ZNF69: variants seen among roughly 807,000 people sequenced by gnomAD.
ZNF69 encodes the protein zinc finger protein 69, also known as ZNF3.
Under a neutral mutation model 50.9 loss-of-function variants are expected in ZNF69, and 47 were observed. The ratio of observed to expected loss-of-function variants is 0.92; its 90% CI spans 0.73 to 1.18. The LOEUF (loss-of-function observed/expected upper bound fraction) is 1.18, where lower values mean the gene tolerates loss of function less well. ZNF69 is among the 50% of genes most tolerant of loss of function. ZNF69 has a pLI of 0.00. For missense variants in ZNF69, 717 were observed against 675.1 expected (o/e 1.06, Z -0.69); for synonymous variants, 216 against 223.1 (o/e 0.97, Z 0.29).
chr19:11,956,791 C>G, the ZNF69 span: 1 of 374,302 alleles, frequency 2.7e-6, no homozygotes, highest in Non-Finnish European at 4.7e-6. Context: ...GGGGCGGAGG[C>G]TGCAGTGAGC....
chr19:11,979,897 T>C, the ZNF69 span: 1 of 1,412,290 alleles, frequency 7.1e-7, no homozygotes, highest in African/African-American at 1.4e-5. Context: ...AAAGACCTTA[T>C]AAATGTAAGA....
chr19:11,921,814 A>G, the ZNF69 span, among the ~76,000 whole-genome samples: 4 of 152,212 alleles, frequency 2.6e-5, no homozygotes, highest in Non-Finnish European at 4.4e-5. Context: ...TGAAATGGAA[A>G]TATTTCAAAG....
the ZNF69 span, among the ~76,000 whole-genome samples, chr19:11,939,444 G>C: frequency 6.6e-6 from 1 of 152,146 alleles, no homozygotes; most frequent in East Asian, 1.9e-4. Flanking sequence ...TTCTACATAT[G>C]GCTAGCCAGT....
At chr19:11,925,745 T>A in the ZNF69 span, among the ~76,000 whole-genome samples, 1 of 152,134 alleles carries the variant, frequency 6.6e-6, no homozygotes, top group South Asian at 2.1e-4. Flanking sequence ...AAACACCCCG[T>A]CCTGGGTTGT....
At chr19:11,919,350 ACTCTTG>A in the ZNF69 span, among the ~76,000 whole-genome samples, 1 of 150,782 alleles carries the variant, frequency 6.6e-6, no homozygotes, top group Non-Finnish European at 1.5e-5. Context: ...CTCCTTTGTG[ACTCTTG>A]CTCCCCATCT....
the ZNF69 span, chr19:11,947,209 T>G: frequency 6.2e-7 from 1 of 1,613,850 alleles, no homozygotes; most frequent in African/African-American, 1.3e-5. Flanking sequence ...GATGTGGCTG[T>G]GAACTTCACC....
At chr19:11,978,973 C>G in the ZNF69 span, 1 of 1,614,122 alleles carries the variant, frequency 6.2e-7, no homozygotes, top group Non-Finnish European at 8.5e-7. Context: ...AAAGCATTCA[C>G]GTATCCCAGT....
the ZNF69 span, among the ~76,000 whole-genome samples, chr19:11,927,981 C>T: frequency 6.6e-6 from 1 of 151,888 alleles, no homozygotes; most frequent in East Asian, 1.9e-4. Context: ...CCATAGAAGG[C>T]TGATGTATGA....
the ZNF69 span, among the ~76,000 whole-genome samples, chr19:11,937,490 C>CTTTTTTTTTTT: frequency 1.6e-5 from 2 of 129,012 alleles, 1 homozygote. Context: ...TTTTTCTTTC[C>CTTTTTTTTTTT]TTTTTTTTTT....
the ZNF69 span, among the ~76,000 whole-genome samples, chr19:11,959,304 A>G: frequency 6.6e-6 from 1 of 152,344 alleles, no homozygotes; most frequent in East Asian, 1.9e-4. Context: ...AAGCTGTTTT[A>G]TGCCAAGTCA....
chr19:11,913,033 T>C (rs1255091608), intron 4 of ZNF69, among the ~76,000 whole-genome samples: 2 of 151,976 alleles, frequency 1.3e-5, no homozygotes, highest in African/African-American at 4.8e-5. Flanking sequence ...CTGTCTCTAC[T>C]AAAAATACAA....
At chr19:11,975,633 C>T in the ZNF69 span, among the ~76,000 whole-genome samples, 1 of 149,526 alleles carries the variant, frequency 6.7e-6, no homozygotes, top group South Asian at 2.2e-4. Flanking sequence ...CCGCCCGCCT[C>T]GGCCTACCAA....
chr19:11,977,942 A>T, the ZNF69 span, among the ~76,000 whole-genome samples: 18 of 152,118 alleles, frequency 1.2e-4, no homozygotes, highest in Non-Finnish European at 2.5e-4. Context: ...ATTTTTTTAA[A>T]CAATAGGTAT....
chr19:11,974,143 TTTCTTTCTTTCTTTCC>T, the ZNF69 span, among the ~76,000 whole-genome samples: 1,697 of 128,718 alleles, frequency 0.013, 61 homozygotes, highest in African/African-American at 0.052. Context: ...TCTTTCTTTC[TTTCTTTCTTTCTTTCC>T]TTCCTTCCTT....
chr19:11,971,325 G>A, the ZNF69 span, among the ~76,000 whole-genome samples: 19,184 of 152,034 alleles, frequency 0.13, 2,245 homozygotes, highest in African/African-American at 0.31. Flanking sequence ...AATCTCATTC[G>A]GAAAGCATCT....
At chr19:11,965,468 C>G in the ZNF69 span, among the ~76,000 whole-genome samples, 2 of 152,222 alleles carry the variant, frequency 1.3e-5, no homozygotes, top group South Asian at 2.1e-4. Flanking sequence ...AGTTCCGCGC[C>G]CGCAGCCCCG....
At chr19:11,975,680 G>C in the ZNF69 span, among the ~76,000 whole-genome samples, 1 of 151,368 alleles carries the variant, frequency 6.6e-6, no homozygotes, top group Admixed American at 6.6e-5. Flanking sequence ...CCGCACCCCG[G>C]CCTTTAAGAT....
chr19:11,962,002 G>A, the ZNF69 span, among the ~76,000 whole-genome samples: 1 of 151,250 alleles, frequency 6.6e-6, no homozygotes, highest in Non-Finnish European at 1.5e-5. Context: ...ATAGAAACTA[G>A]GTCTCACTAT....
Position 11,905,342 on chromosome 19 carries a change from T to A in ZNF69, c.945T>A (p.Cys315Ter), listed in dbSNP as rs1315154861. 1 of 1,613,990 alleles carries A rather than the reference T, an allele frequency of 6.2e-7. No homozygotes were observed. The highest frequency in any genetic ancestry group is 1.1e-5 in the South Asian group (1 of 91,072). Residue 315 changes from cysteine to a stop codon, truncating the protein, a stop_gained, in exon 4 of 4, where the codon TGT becomes TGA. Coordinates refer to ENST00000429654, the MANE Select transcript of ZNF69 (RefSeq NM_001364730.1). LOFTEE classifies it high-confidence loss of function. ...AGGAATGTGGAAAAGCATTCACGTG[T>A]CCCCAGTATGTTCGTATACATGAAA... ...QCKECGKAFT[C>*]PQYVRIHERT...
Sources: gnomAD v4.1 joint callset for allele counts (sites outside exome capture counted in the v4.1 genomes callset) on GRCh38, gnomAD v4.1.1 for gene constraint, MANE v1.5 for transcripts, NCBI Gene and HGNC (gene_info 2026-07-23, HGNC 2026-07-21) for gene names.